Variants in POGZ observed in about 807,000 individuals in gnomAD.
POGZ encodes pogo transposable element with ZNF domain.
Under a neutral mutation model 134.6 loss-of-function variants are expected in POGZ, and 17 were observed. That is an observed-to-expected ratio of 0.13 (90% CI 0.09 to 0.19). The LOEUF (loss-of-function observed/expected upper bound fraction) is 0.19. Among genes scored for constraint, POGZ ranks in the 10% least tolerant of loss-of-function variants. The pLI, the probability that POGZ is intolerant of heterozygous loss-of-function variation, is 1.00. For synonymous variants in POGZ, 693 were observed against 657.1 expected (o/e 1.05, Z -0.84); for missense variants, 1,306 against 1,769.7 (o/e 0.74, Z 4.70).
chr1:151,444,531 CCT>C (rs1661001806), intron 1 of POGZ, among the ~76,000 whole-genome samples: 12 of 152,312 alleles, frequency 7.9e-5, no homozygotes, highest in African/African-American at 2.9e-4. Flanking sequence ...TGGACAATAA[CCT>C]CTGCCGATGG....
intron 10 of POGZ, among the ~76,000 whole-genome samples, chr1:151,412,902 A>C (rs1654910861): frequency 6.6e-6 from 1 of 152,078 alleles, no homozygotes; most frequent in Non-Finnish European, 1.5e-5. Context: ...ACTCTCTTTG[A>C]AATTGTCCAT....
At chr1:151,420,680 C>T (rs1279028571) in intron 10 of POGZ, among the ~76,000 whole-genome samples, 1 of 152,018 alleles carries the variant, frequency 6.6e-6, no homozygotes, top group South Asian at 2.1e-4. Flanking sequence ...TATGGTGGCA[C>T]CAGCAACATG....
At chr1:151,452,022 G>A (rs553639601) in intron 1 of POGZ, among the ~76,000 whole-genome samples, 51 of 150,730 alleles carry the variant, frequency 3.4e-4, no homozygotes, top group African/African-American at 9.0e-4. Flanking sequence ...GCTTGAACCC[G>A]GGAGGTGGAG....
At chr1:151,422,649 T>C (rs1340189136) in intron 10 of POGZ, among the ~76,000 whole-genome samples, 2 of 152,060 alleles carry the variant, frequency 1.3e-5, no homozygotes, top group Non-Finnish European at 2.9e-5. Context: ...TGGAGTGCAA[T>C]GGCATGATCT....
chr1:151,449,415 G>A (rs971867829), intron 1 of POGZ, among the ~76,000 whole-genome samples: 1 of 152,060 alleles, frequency 6.6e-6, no homozygotes, highest in Non-Finnish European at 1.5e-5. Context: ...AGTGGGTAGT[G>A]GCCAGGAGTG....
In POGZ at chr1:151,404,436, A is replaced by G; in HGVS notation, c.*366T>C. 1 of 1,004,660 alleles carries G rather than the reference A, an allele frequency of 1.0e-6. No individual in the cohort carries two copies. Among genetic ancestry groups the G allele is most frequent in the Non-Finnish European group, 1.2e-6 (1 of 840,882 alleles). 62.2% of individuals were successfully genotyped at this position (1,004,660 alleles called of 1,614,324 possible). On this transcript the variant is annotated 3_prime_UTR_variant, in exon 19 of 19. Transcript: ENST00000271715. ...CCAGTACTATGATACAATTGAGGTAAAAGGGGAAACAAAAAAATTTAACAT... is the reference window on the plus strand; with the variant it reads ...CCAGTACTATGATACAATTGAGGTAGAAGGGGAAACAAAAAAATTTAACAT...
Position 151,406,441 on chromosome 1 carries a change from A to G in POGZ, c.2594T>C (p.Val865Ala). The G allele has an allele frequency of 6.4e-7, 1 of 1,550,454 alleles. No individual in the cohort carries two copies. The highest frequency in any genetic ancestry group is 8.7e-7 in the Non-Finnish European group (1 of 1,150,988). The change falls in exon 19 of 19, where the codon GTG (valine) becomes GCG (alanine). Residue 865 changes from valine (V) to alanine (A), a missense_variant. Val to Ala is a moderately conservative substitution (Grantham distance 64). Transcript: ENST00000271715. ...HSRHGQTRDR[V>A]HDRNVKNMYP... ...CATATTCTTCACGTTCCGGTCATGC[A>G]CTCGGTCACGAGTCTGGCCATGCCT...
intron 3 of POGZ, among the ~76,000 whole-genome samples, chr1:151,431,748 T>G (rs1212468687): frequency 6.6e-6 from 1 of 152,184 alleles, no homozygotes; most frequent in Non-Finnish European, 1.5e-5. Flanking sequence ...TTGTGAAAAA[T>G]TTTATAAATA....
In POGZ at chr1:151,406,157, C is replaced by A. The variant is rs1471582821; in HGVS notation, c.2878G>T (p.Gly960Cys). 1 of 1,614,224 alleles carries A rather than the reference C, an allele frequency of 6.2e-7. No homozygotes were observed. Among genetic ancestry groups the A allele is most frequent in the Non-Finnish European group, 8.5e-7 (1 of 1,180,034 alleles). Residue 960 changes from glycine to cysteine, a missense_variant, in exon 19 of 19, where the codon GGT becomes TGT. Around this residue, in one of 10 missense-constraint regions of POGZ, gnomAD observed 214 missense variants for 255.5 expected, o/e 0.84. Coordinates refer to ENST00000271715, the MANE Select transcript of POGZ (RefSeq NM_015100.4). ...PVTQEPELAS[G>C]GGGSGGVGKK... ...CCAACTCCACCACTACCACCACCAC[C>A]TGATGCTAGCTCAGGTTCTTGGGTG...
In POGZ at chr1:151,405,597, G is replaced by A; in HGVS notation, c.3438C>T (p.Ala1146=). The change falls in exon 19 of 19, where the codon GCC becomes GCT. Residue 1146 remains alanine, a synonymous_variant. Transcript: ENST00000271715. The surrounding 1 kb of genome is among the most constrained non-coding windows in gnomAD (Gnocchi z 4.9). The part of the protein sequence containing the change: ...VLSSDDRKEN[A]LQTVGTGEPW... ...GTTCCCCTGTGCCCACTGTCTGCAG[G>A]GCATTCTCCTTTCGATCATCACTGC... is the stretch of plus-strand genomic sequence containing the variant. 6.2e-7 allele frequency: 1 copy of A among 1,614,174 alleles called. No homozygotes were observed. The highest frequency in any genetic ancestry group is 8.5e-7 in the Non-Finnish European group (1 of 1,180,028).
chr1:151,404,349 A>G lies in POGZ; in HGVS notation c.*453T>C, dbSNP rs1436889825. ...CATCTTCAGAAATGTTCTCACATTA[A>G]CAATGATTAGATAGCATCATGCCCA... On this transcript the variant is annotated 3_prime_UTR_variant, in exon 19 of 19. Coordinates refer to ENST00000271715, the MANE Select transcript of POGZ (RefSeq NM_015100.4). 4 of 985,970 alleles carry G rather than the reference A, an allele frequency of 4.1e-6. No homozygotes were observed. In the African/African-American group the frequency reaches 7.0e-5, roughly 17 times the overall value. 61.1% of individuals were successfully genotyped at this position (985,970 alleles called of 1,614,324 possible).
chr1:151,451,765 T>C (rs1021637529), intron 1 of POGZ, among the ~76,000 whole-genome samples: 1 of 151,876 alleles, frequency 6.6e-6, no homozygotes, highest in African/African-American at 2.4e-5. Context: ...ATGCAGAATA[T>C]GGAACATTCT....
rs951335561 is a variant in POGZ, at chr1:151,403,867, G to A, written c.*935C>T. On this transcript the variant is annotated 3_prime_UTR_variant, in exon 19 of 19. Transcript: ENST00000271715. ...TCAGTAAAGCAGGGACTGCCCCTGG[G>A]GGCTTACAGGATGAAGACTCAAACT... is the stretch of plus-strand genomic sequence containing the variant. The A allele has an allele frequency of 4.4e-5, 43 of 985,464 alleles. No homozygotes were observed. The African/African-American group carries it at 5.8e-4, about 13-fold the overall frequency. The allele number at this position is 985,464 out of a possible 1,614,324, so 61.0% of individuals were successfully genotyped here.
intron 3 of POGZ, among the ~76,000 whole-genome samples, chr1:151,439,582 A>G (rs1442718897): frequency 6.6e-6 from 1 of 152,254 alleles, no homozygotes; most frequent in Non-Finnish European, 1.5e-5. Flanking sequence ...ACAGTAGGCA[A>G]GGACACATGC....
chr1:151,427,717 T>A, intron 7 of POGZ, 106 bp downstream of exon 7: 1 of 768,150 alleles, frequency 1.3e-6, no homozygotes, highest in Non-Finnish European at 2.1e-6. Context: ...ACAGCAGCTG[T>A]ATTTTATTTT....
intron 10 of POGZ, among the ~76,000 whole-genome samples, chr1:151,418,844 T>C (rs1656266858): frequency 6.6e-6 from 1 of 150,614 alleles, no homozygotes; most frequent in South Asian, 2.1e-4. Context: ...GCTAACATGC[T>C]GAAACCCCGT....
At chr1:151,431,309 T>G (rs1658656892) in intron 3 of POGZ, among the ~76,000 whole-genome samples, 1 of 152,222 alleles carries the variant, frequency 6.6e-6, no homozygotes, top group Non-Finnish European at 1.5e-5. Context: ...ATGATTTAAG[T>G]GACCACACAT....
At position 151,404,361 on chromosome 1, in the gene POGZ, T is replaced by C. The variant is rs1384005145; in HGVS notation, c.*441A>G. ...TGTTCTCACATTAACAATGATTAGA[T>C]AGCATCATGCCCAAAGACATTGGCC... On this transcript the variant is annotated 3_prime_UTR_variant, in exon 19 of 19. Coordinates refer to ENST00000271715, the MANE Select transcript of POGZ (RefSeq NM_015100.4). The C allele has an allele frequency of 3.0e-6, 3 of 986,404 alleles. No individual in the cohort carries two copies. The African/African-American group carries it at 5.2e-5, about 17-fold the overall frequency. The allele number at this position is 986,404 out of a possible 1,614,324, so 61.1% of individuals were successfully genotyped here.
At chr1:151,432,809 C>T (rs925308077) in intron 3 of POGZ, among the ~76,000 whole-genome samples, 2 of 152,124 alleles carry the variant, frequency 1.3e-5, no homozygotes, top group Non-Finnish European at 2.9e-5. Flanking sequence ...AACATAACTC[C>T]TGAACATTAT....
Sources: gnomAD v4.1 joint callset for allele counts (sites outside exome capture counted in the v4.1 genomes callset) on GRCh38, gnomAD v4.1.1 for gene constraint, gnomAD v4.1.1 regional missense constraint, Gnocchi (gnomAD v3.1) non-coding constraint, MANE v1.5 for transcripts, NCBI Gene and HGNC (gene_info 2026-07-23, HGNC 2026-07-21) for gene names.